The following MAD1L1 variants were observed in gnomAD, a reference collection of about 807,000 sequenced individuals.
The protein encoded by MAD1L1 is mitotic arrest deficient 1 like 1.
MAD1L1 carries 95 observed loss-of-function variants against 96.9 expected under a neutral mutation model. That is an observed-to-expected ratio of 0.98 (90% CI 0.83 to 1.16). The LOEUF is 1.16. MAD1L1 is among the 50% of genes most tolerant of loss of function. The pLI is 0.00. For missense variants in MAD1L1, 1,007 were observed against 954.4 expected (o/e 1.06, Z -0.73); for synonymous variants, 473 against 396.6 (o/e 1.19, Z -2.29).
intron 18 of MAD1L1, among the ~76,000 whole-genome samples, chr7:1,837,699 T>C (rs1783006790): frequency 6.6e-6 from 1 of 152,248 alleles, no homozygotes; most frequent in South Asian, 2.1e-4. Context: ...TACTGCGTGA[T>C]GCCACTTACA....
intron 17 of MAD1L1, among the ~76,000 whole-genome samples, chr7:1,923,455 C>CCGGGCAACCCCGCG (rs1788911451): frequency 7.5e-6 from 1 of 133,520 alleles, no homozygotes; most frequent in Non-Finnish European, 1.7e-5. Context: ...GCCCCGGCAC[C>CCGGGCAACCCCGCG]CTGGCACCCC....
At chr7:2,016,091 A>T (rs939943) in intron 12 of MAD1L1, among the ~76,000 whole-genome samples, 3 of 152,156 alleles carry the variant, frequency 2.0e-5, no homozygotes, top group African/African-American at 7.2e-5. Flanking sequence ...TGGGGTGGCC[A>T]TGAAGACTGA....
chr7:1,992,881 C>T lies in MAD1L1; in HGVS notation c.1416+9184G>A, dbSNP rs1781411119. ...CACCATTGTGGGCCTGGGGCCAGAA[C>T]GGGATCAGCTTATGGAAGATACACG... is the stretch of plus-strand genomic sequence containing the variant. On this transcript the variant is annotated intron_variant, in intron 14 of 18. Coordinates refer to ENST00000265854, the MANE Select transcript of MAD1L1 (RefSeq NM_001013836.2). 3.3e-5 allele frequency among the ~76,000 whole-genome samples: 5 copies of T among 151,590 alleles called. No individual in the cohort carries two copies. In the South Asian group the frequency reaches 6.3e-4, roughly 19 times the overall value.
intron 16 of MAD1L1, 53 bp downstream of exon 16, chr7:1,957,576 A>G (rs1779779560): frequency 6.4e-7 from 1 of 1,570,862 alleles, no homozygotes; most frequent in Non-Finnish European, 8.7e-7. Context: ...CACGACGCCC[A>G]AAGAAATGAG....
chr7:1,826,644 G>C (rs1782409954), intron 18 of MAD1L1, among the ~76,000 whole-genome samples: 1 of 152,250 alleles, frequency 6.6e-6, no homozygotes, highest in East Asian at 1.9e-4. Context: ...CGCAGATGCT[G>C]CCGCGTGAGC....
chr7:1,820,859 A>G (rs1159048756), intron 18 of MAD1L1, among the ~76,000 whole-genome samples: 1 of 152,112 alleles, frequency 6.6e-6, no homozygotes, highest in African/African-American at 2.4e-5. Flanking sequence ...AGGTGGGCGG[A>G]TCACGAGGTC....
intron 16 of MAD1L1, among the ~76,000 whole-genome samples, chr7:1,948,435 A>C (rs1246071497): frequency 6.6e-6 from 1 of 152,154 alleles, no homozygotes. Flanking sequence ...CCAGCAGGAC[A>C]CGCCCTGTGA....
chr7:1,941,603 G>A (rs1478230463), intron 16 of MAD1L1, among the ~76,000 whole-genome samples: 1 of 152,202 alleles, frequency 6.6e-6, no homozygotes, highest in Non-Finnish European at 1.5e-5. Flanking sequence ...CAGCCCCCAG[G>A]CTTGTCCTCC....
intron 16 of MAD1L1, among the ~76,000 whole-genome samples, chr7:1,956,923 C>T (rs551354667): frequency 4.6e-5 from 7 of 152,328 alleles, no homozygotes; most frequent in Admixed American, 1.3e-4. Flanking sequence ...GGATGCCTGG[C>T]CCCCAGTCAG....
At chr7:2,102,959 G>A (rs1786891329) in intron 11 of MAD1L1, among the ~76,000 whole-genome samples, 3 of 152,318 alleles carry the variant, frequency 2.0e-5, no homozygotes, top group South Asian at 4.1e-4. Flanking sequence ...GAGAAAACAG[G>A]TTCGGCAGAG....
At chr7:1,962,768 T>TAG (rs1470204943) in intron 15 of MAD1L1, among the ~76,000 whole-genome samples, 5 of 152,132 alleles carry the variant, frequency 3.3e-5, no homozygotes, top group Admixed American at 6.5e-5. Context: ...GCCAACCTAT[T>TAG]AGAAAGCCTA....
chr7:2,232,425 G>A (rs1019326947), intron 1 of MAD1L1, among the ~76,000 whole-genome samples: 8 of 152,210 alleles, frequency 5.3e-5, no homozygotes, highest in Admixed American at 5.2e-4. Flanking sequence ...GGACCGGCGC[G>A]AGCCACCAGG....
chr7:1,925,457 G>C (rs1035814977), intron 17 of MAD1L1, among the ~76,000 whole-genome samples: 6 of 152,282 alleles, frequency 3.9e-5, no homozygotes, highest in Admixed American at 1.3e-4. Context: ...TGGCAAGTCC[G>C]AGATCAAGGC....
At chr7:2,084,748 C>T (rs1212240288) in intron 11 of MAD1L1, among the ~76,000 whole-genome samples, 1 of 152,178 alleles carries the variant, frequency 6.6e-6, no homozygotes, top group Non-Finnish European at 1.5e-5. Flanking sequence ...CCCCAGATAA[C>T]CCTGGGAGCC....
At chr7:1,880,548 T>C (rs1304233974) in intron 18 of MAD1L1, among the ~76,000 whole-genome samples, 1 of 152,216 alleles carries the variant, frequency 6.6e-6, no homozygotes, top group African/African-American at 2.4e-5. Context: ...CACTACAAAC[T>C]GACTTCCTGC....
intron 18 of MAD1L1, among the ~76,000 whole-genome samples, chr7:1,859,993 G>C (rs543567652): frequency 6.7e-6 from 1 of 149,050 alleles, no homozygotes; most frequent in African/African-American, 2.5e-5. Flanking sequence ...GTGACATCCT[G>C]TGGGGCGGCC....
At chr7:1,950,266 C>T (rs1323335761) in intron 16 of MAD1L1, among the ~76,000 whole-genome samples, 1 of 152,178 alleles carries the variant, frequency 6.6e-6, no homozygotes, top group African/African-American at 2.4e-5. Context: ...CGAGAATGGT[C>T]ACCATGTGAT....
chr7:2,046,068 G>T (rs975203273), intron 12 of MAD1L1, among the ~76,000 whole-genome samples: 1 of 152,134 alleles, frequency 6.6e-6, no homozygotes, highest in Non-Finnish European at 1.5e-5. Context: ...CACCTCGGCT[G>T]CCTCTAGGGA....
intron 14 of MAD1L1, among the ~76,000 whole-genome samples, chr7:1,987,590 G>A (rs1006124981): frequency 6.6e-6 from 1 of 152,002 alleles, no homozygotes; most frequent in African/African-American, 2.4e-5. Context: ...AGGCAGGTGG[G>A]GGAAGAGCAA....
Sources: allele counts gnomAD v4.1 joint callset (sites outside exome capture counted in the v4.1 genomes callset), GRCh38; gene constraint gnomAD v4.1.1; transcripts MANE v1.5; gene names NCBI Gene and HGNC (gene_info 2026-07-23, HGNC 2026-07-21).